ABHD17B: variants seen among roughly 807,000 people sequenced by gnomAD.
The protein encoded by ABHD17B is abhydrolase domain containing 17B, depalmitoylase, also known as alpha/beta hydrolase domain-containing protein 17B.
Under a neutral mutation model 26.2 loss-of-function variants are expected in ABHD17B, and 9 were observed. The observed-to-expected ratio is 0.34, with a 90% CI of 0.21 to 0.60. ABHD17B has a LOEUF of 0.60. Ranked by LOEUF, ABHD17B falls within the 20% of genes least tolerant of loss-of-function variation. The pLI, the probability that ABHD17B is intolerant of heterozygous loss-of-function variation, is 0.80. For missense variants in ABHD17B, 224 were observed against 352.1 expected, an observed-to-expected ratio of 0.64 and a Z score of 2.91; for synonymous variants, 127 against 122.3, an observed-to-expected ratio of 1.04 and a Z score of -0.25.
intron 1 of ABHD17B, among the ~76,000 whole-genome samples, chr9:71,893,526 G>GGAAGA (rs1564070731): frequency 7.9e-5 from 12 of 152,190 alleles, no homozygotes; most frequent in Non-Finnish European, 1.8e-4. Context: ...ATGTAGGAAG[G>GGAAGA]GGATGCCACC....
downstream of ABHD17B, among the ~76,000 whole-genome samples, chr9:71,863,682 T>C (rs942263616): frequency 3.3e-5 from 5 of 152,216 alleles, no homozygotes; most frequent in Admixed American, 6.5e-5. Flanking sequence ...CCCTTTCCTT[T>C]ATGGACAAAT....
chr9:71,865,436 T>C lies in ABHD17B; in HGVS notation c.*1351A>G, dbSNP rs902717154. Reference sequence around the variant, plus strand: ...AAGGAAAGGCAACTTAGTTTTTGTATGTGTGAGCTTTATTTTTTTACTATA... The same window carrying C: ...AAGGAAAGGCAACTTAGTTTTTGTACGTGTGAGCTTTATTTTTTTACTATA... On this transcript the variant is annotated 3_prime_UTR_variant, in exon 4 of 4. Transcript: ENST00000333421. 2 of 984,386 alleles carry C rather than the reference T, an allele frequency of 2.0e-6. No homozygotes were observed. Among genetic ancestry groups the C allele is most frequent in the African/African-American group, 1.7e-5 (1 of 57,220 alleles). The allele number at this position is 984,386 out of a possible 1,614,324, so 61.0% of individuals were successfully genotyped here.
intron 1 of ABHD17B, among the ~76,000 whole-genome samples, chr9:71,889,054 C>T (rs897310509): frequency 3.3e-5 from 5 of 150,562 alleles, no homozygotes; most frequent in East Asian, 3.9e-4. Context: ...CAGTGTCTCA[C>T]GCCTGTAATC....
In ABHD17B at chr9:71,866,365, T is replaced by C; in HGVS notation, c.*422A>G. 2 of 986,768 alleles carry C rather than the reference T, an allele frequency of 2.0e-6. No homozygotes were observed. Among genetic ancestry groups the C allele is most frequent in the Non-Finnish European group, 2.4e-6 (2 of 825,482 alleles). 61.1% of individuals were successfully genotyped at this position (986,768 alleles called of 1,614,324 possible). On this transcript the variant is annotated 3_prime_UTR_variant, in exon 4 of 4. Coordinates refer to ENST00000333421, the MANE Select transcript of ABHD17B (RefSeq NM_001025780.3). ...TACAGTTCATTCCATTATGAGTACTTAAATTGCTTTAGATACATAGCTTTT... is the reference window on the plus strand; with the variant it reads ...TACAGTTCATTCCATTATGAGTACTCAAATTGCTTTAGATACATAGCTTTT...
At chr9:71,880,735 A>G (rs1826416097) in intron 1 of ABHD17B, among the ~76,000 whole-genome samples, 2 of 152,042 alleles carry the variant, frequency 1.3e-5, no homozygotes, top group Admixed American at 6.5e-5. Context: ...AGGAATTAAT[A>G]TAAAATAGAA....
rs150150500 is a variant in ABHD17B, at chr9:71,872,637, C to T, written c.467+1977G>A. 4.2e-4 allele frequency among the ~76,000 whole-genome samples: 64 copies of T among 152,190 alleles called. No homozygotes were observed. In the East Asian group the frequency reaches 0.011, roughly 26 times the overall value. ...TGAAGTTAACCTTTAAAAGTGTGAA[C>T]CTTATCACTCAATAAAGCTATTTTT... is the stretch of plus-strand genomic sequence containing the variant. On this transcript the variant is annotated intron_variant, in intron 2 of 3. Coordinates refer to ENST00000333421, the MANE Select transcript of ABHD17B (RefSeq NM_001025780.3).
chr9:71,862,617 A>T (rs752859664), downstream of ABHD17B: 5 of 1,139,668 alleles, frequency 4.4e-6, no homozygotes, highest in East Asian at 1.2e-4. Flanking sequence ...CCTGTAAAAT[A>T]AAGGGATTAG....
intron 1 of ABHD17B, among the ~76,000 whole-genome samples, chr9:71,892,590 A>G (rs981337911): frequency 2.6e-5 from 4 of 151,174 alleles, no homozygotes; most frequent in African/African-American, 9.7e-5. Flanking sequence ...AGTACACTAT[A>G]TTTACCAAAA....
At chr9:71,891,689 G>A (rs1826788333) in intron 1 of ABHD17B, among the ~76,000 whole-genome samples, 1 of 152,130 alleles carries the variant, frequency 6.6e-6, no homozygotes, top group Non-Finnish European at 1.5e-5. Flanking sequence ...AGAATAAAGA[G>A]GATTTTGGAG....
chr9:71,872,343 CA>C, intron 2 of ABHD17B, among the ~76,000 whole-genome samples: 1 of 152,010 alleles, frequency 6.6e-6, no homozygotes, highest in Admixed American at 6.5e-5. Context: ...CACTGGCTAT[CA>C]AATATGTTAA....
At position 71,890,794 on chromosome 9, in the gene ABHD17B, C is replaced by T. The variant is rs1366635739; in HGVS notation, c.-3-15711G>A. On this transcript the variant is annotated intron_variant, in intron 1 of 3. Coordinates refer to ENST00000333421, the MANE Select transcript of ABHD17B (RefSeq NM_001025780.3). ...GTTTTTGCCTTTTTATTACATTTAA[C>T]ATATTCCAATTTATTAGAATTTGTT... is the stretch of plus-strand genomic sequence containing the variant. Among the ~76,000 whole-genome samples, 4 of 152,202 alleles carry T rather than the reference C, an allele frequency of 2.6e-5. No homozygotes were observed. The South Asian group carries it at 6.2e-4, about 24-fold the overall frequency.
At chr9:71,863,130 T>C (rs1825870825), downstream of ABHD17B, among the ~76,000 whole-genome samples, 1 of 152,168 alleles carries the variant, frequency 6.6e-6, no homozygotes, top group Non-Finnish European at 1.5e-5. Flanking sequence ...TCATTCTTTT[T>C]TGTACTTGGA....
At chr9:71,899,417 ACTT>A in intron 1 of ABHD17B, among the ~76,000 whole-genome samples, 1 of 152,178 alleles carries the variant, frequency 6.6e-6, no homozygotes, top group Non-Finnish European at 1.5e-5. Context: ...TGGTGTAAAT[ACTT>A]CTTTGTGATA....
At chr9:71,877,354 GCT>G (rs1826307592) in intron 1 of ABHD17B, among the ~76,000 whole-genome samples, 1 of 152,210 alleles carries the variant, frequency 6.6e-6, no homozygotes, top group African/African-American at 2.4e-5. Flanking sequence ...CTTTTAAAAA[GCT>G]TAATAAGTAA....
chr9:71,870,918 G>A (rs1255337473), intron 2 of ABHD17B, among the ~76,000 whole-genome samples: 1 of 152,242 alleles, frequency 6.6e-6, no homozygotes, highest in Admixed American at 6.5e-5. Context: ...AAATTACAAG[G>A]TACTATTTTA....
chr9:71,890,567 A>T (rs537062385), intron 1 of ABHD17B, among the ~76,000 whole-genome samples: 1 of 152,332 alleles, frequency 6.6e-6, no homozygotes, highest in East Asian at 1.9e-4. Flanking sequence ...ATTGGATAAT[A>T]AAAAGTACTT....
chr9:71,870,868 C>T (rs1228973617), intron 2 of ABHD17B, among the ~76,000 whole-genome samples: 1 of 152,202 alleles, frequency 6.6e-6, no homozygotes, highest in African/African-American at 2.4e-5. Flanking sequence ...GAATTCCAAA[C>T]ACCACATGGT....
chr9:71,884,333 T>G (rs1011239524), intron 1 of ABHD17B, among the ~76,000 whole-genome samples: 8 of 152,186 alleles, frequency 5.3e-5, no homozygotes, highest in Non-Finnish European at 1.0e-4. Context: ...TTTAAGTGTA[T>G]CTGAAGTATT....
intron 1 of ABHD17B, among the ~76,000 whole-genome samples, chr9:71,880,326 T>C (rs933570720): frequency 2.6e-5 from 4 of 152,154 alleles, no homozygotes; most frequent in Admixed American, 1.3e-4. Context: ...CACTTCACTT[T>C]GAACATGCAT....
Sources: gnomAD v4.1 joint callset for allele counts (sites outside exome capture counted in the v4.1 genomes callset) on GRCh38, gnomAD v4.1.1 for gene constraint, MANE v1.5 for transcripts, NCBI Gene and HGNC (gene_info 2026-07-23, HGNC 2026-07-21) for gene names.